Variants in RABGAP1L observed in about 807,000 individuals in gnomAD.
The protein encoded by RABGAP1L is rab GTPase-activating protein 1-like.
Under a neutral mutation model 137.7 loss-of-function variants are expected in RABGAP1L, and 63 were observed. The ratio of observed to expected loss-of-function variants is 0.46; its 90% CI spans 0.37 to 0.56. The LOEUF is 0.56. Ranked by LOEUF, RABGAP1L falls within the 20% of genes least tolerant of loss-of-function variation. RABGAP1L has a pLI of 0.00. For synonymous variants in RABGAP1L, 431 were observed against 433.7 expected (o/e 0.99, Z 0.08); for missense variants, 1,095 against 1,244.0 (o/e 0.88, Z 1.80).
intron 11 of RABGAP1L, among the ~76,000 whole-genome samples, chr1:174,346,198 A>G (rs1438711630): frequency 1.3e-5 from 2 of 152,104 alleles, no homozygotes; most frequent in Non-Finnish European, 2.9e-5. Context: ...ATATTGGCCT[A>G]TAATTTTCTT....
At chr1:174,160,278 C>A (rs2901805) in intron 1 of RABGAP1L, among the ~76,000 whole-genome samples, 1 of 76,502 alleles carries the variant, frequency 1.3e-5, no homozygotes. Flanking sequence ...CTCCCCCCAA[C>A]CCCCACCCAC....
At chr1:174,773,163 G>A (rs922123233) in intron 18 of RABGAP1L, among the ~76,000 whole-genome samples, 1 of 149,548 alleles carries the variant, frequency 6.7e-6, no homozygotes, top group Non-Finnish European at 1.5e-5. Flanking sequence ...TAAGCTATGG[G>A]GTGTGTGTGT....
intron 19 of RABGAP1L, among the ~76,000 whole-genome samples, chr1:174,933,637 A>G (rs1490580872): frequency 6.6e-6 from 1 of 152,212 alleles, no homozygotes; most frequent in Non-Finnish European, 1.5e-5. Context: ...GATCTGAATC[A>G]GAAACTCTGG....
intron 3 of RABGAP1L, among the ~76,000 whole-genome samples, chr1:174,229,128 C>T (rs1342812238): frequency 6.6e-6 from 1 of 151,750 alleles, no homozygotes; most frequent in African/African-American, 2.4e-5. Flanking sequence ...CATTGGAATA[C>T]TTATATAGTT....
chr1:174,633,061 G>A (rs999832557), intron 13 of RABGAP1L, among the ~76,000 whole-genome samples: 31 of 151,940 alleles, frequency 2.0e-4, no homozygotes, highest in Non-Finnish European at 3.7e-4. Flanking sequence ...GGAAATAAAG[G>A]GTATTCAATT....
chr1:174,274,668 G>C (rs1674828922), intron 8 of RABGAP1L, among the ~76,000 whole-genome samples: 1 of 151,238 alleles, frequency 6.6e-6, no homozygotes, highest in Admixed American at 6.6e-5. Flanking sequence ...ATTATCATAT[G>C]AGTGTGTTGG....
At chr1:174,973,254 A>T (rs904795059) in intron 21 of RABGAP1L, among the ~76,000 whole-genome samples, 2 of 152,228 alleles carry the variant, frequency 1.3e-5, no homozygotes, top group Non-Finnish European at 2.9e-5. Flanking sequence ...TCTTGACCTA[A>T]TGAAGACTGT....
At chr1:174,780,307 A>T (rs1183050619) in intron 18 of RABGAP1L, among the ~76,000 whole-genome samples, 1 of 151,908 alleles carries the variant, frequency 6.6e-6, no homozygotes, top group Non-Finnish European at 1.5e-5. Flanking sequence ...GATGATTCCA[A>T]CCTCACCATG....
intron 17 of RABGAP1L, among the ~76,000 whole-genome samples, chr1:174,747,758 T>C (rs1220593904): frequency 6.6e-6 from 1 of 152,142 alleles, no homozygotes; most frequent in Admixed American, 6.5e-5. Context: ...ATATAAGCAT[T>C]CATCAATCCT....
chr1:174,453,991 G>A (rs1040666182), intron 13 of RABGAP1L, among the ~76,000 whole-genome samples: 8 of 152,090 alleles, frequency 5.3e-5, no homozygotes, highest in Non-Finnish European at 8.8e-5. Context: ...AAGGCTGGGC[G>A]CGGTGGCTCA....
At position 174,410,375 on chromosome 1, in the gene RABGAP1L, G is replaced by A. The variant is rs1408384054; in HGVS notation, c.1710+16230G>A. 2.6e-5 allele frequency among the ~76,000 whole-genome samples: 4 copies of A among 152,068 alleles called. No homozygotes were observed. The East Asian group carries it at 7.7e-4, about 29-fold the overall frequency. On this transcript the variant is annotated intron_variant, in intron 13 of 25. Coordinates refer to ENST00000681986, the MANE Select transcript of RABGAP1L (RefSeq NM_001366446.1). ...ACATTTAAAAATTTTAATTCATCTG[G>A]AGTTAATTTTTGTGTATGGTGACAG... is the stretch of plus-strand genomic sequence containing the variant.
chr1:174,230,797 G>T (rs1670580721), intron 3 of RABGAP1L, among the ~76,000 whole-genome samples: 1 of 152,086 alleles, frequency 6.6e-6, no homozygotes, highest in Admixed American at 6.6e-5. Flanking sequence ...GAGACCAGAG[G>T]TTCTGTTGTT....
intron 13 of RABGAP1L, among the ~76,000 whole-genome samples, chr1:174,601,618 G>A (rs962730936): frequency 9.2e-5 from 14 of 152,044 alleles, no homozygotes; most frequent in Admixed American, 1.3e-4. Flanking sequence ...CACATTGTGC[G>A]CATGTACCCT....
chr1:174,235,083 T>A (rs1671047241), intron 4 of RABGAP1L, among the ~76,000 whole-genome samples: 1 of 141,510 alleles, frequency 7.1e-6, no homozygotes, highest in Admixed American at 7.1e-5. Context: ...GTTGTTGGTG[T>A]ATAAGAATGC....
chr1:174,703,098 T>A (rs1211190403), intron 17 of RABGAP1L, among the ~76,000 whole-genome samples: 1 of 152,200 alleles, frequency 6.6e-6, no homozygotes, highest in Non-Finnish European at 1.5e-5. Context: ...CTATGCTTCT[T>A]AAGGTAAACA....
chr1:174,271,013 G>C (rs1674516170), intron 7 of RABGAP1L, among the ~76,000 whole-genome samples: 1 of 152,072 alleles, frequency 6.6e-6, no homozygotes, highest in Admixed American at 6.5e-5. Flanking sequence ...ACAGTGAATT[G>C]CATGATTGAT....
At chr1:174,717,799 G>A (rs1162362834) in intron 17 of RABGAP1L, among the ~76,000 whole-genome samples, 1 of 152,156 alleles carries the variant, frequency 6.6e-6, no homozygotes, top group Non-Finnish European at 1.5e-5. Context: ...CTGGTTCTAT[G>A]AGAGTCTTTT....
chr1:174,809,587 G>C (rs185840023), intron 18 of RABGAP1L, among the ~76,000 whole-genome samples: 1 of 152,284 alleles, frequency 6.6e-6, no homozygotes, highest in Non-Finnish European at 1.5e-5. Context: ...CCATTTTGGG[G>C]CATCTGTTTC....
In RABGAP1L at chr1:174,618,852, A is replaced by G. The variant is rs528671905; in HGVS notation, c.1711-18523A>G. Among the ~76,000 whole-genome samples, 24 of 152,342 alleles carry G rather than the reference A, an allele frequency of 1.6e-4. 2 individuals carry two copies. In the East Asian group the frequency reaches 4.6e-3, roughly 29 times the overall value. ...CGATCAAGCTACTCCAAGCTACAGGACGAAATTCAAACCAAAGGCAAAGAA... is the reference window on the plus strand; with the variant it reads ...CGATCAAGCTACTCCAAGCTACAGGGCGAAATTCAAACCAAAGGCAAAGAA... On this transcript the variant is annotated intron_variant, in intron 13 of 25. Coordinates refer to ENST00000681986, the MANE Select transcript of RABGAP1L (RefSeq NM_001366446.1).
Sources: allele counts gnomAD v4.1 joint callset (sites outside exome capture counted in the v4.1 genomes callset), GRCh38; gene constraint gnomAD v4.1.1; transcripts MANE v1.5; gene names NCBI Gene and HGNC (gene_info 2026-07-23, HGNC 2026-07-21).